The following BARD1 variants were observed in gnomAD, a reference collection of about 807,000 sequenced individuals.
BARD1 encodes the protein BRCA1 associated RING domain 1.
In BARD1, 73 loss-of-function variants were observed where a neutral mutation model predicts 77.0. The observed-to-expected ratio is 0.95, with a 90% confidence interval of 0.79 to 1.15. The LOEUF (loss-of-function observed/expected upper bound fraction) is 1.15, where lower values mean the gene tolerates loss of function less well. BARD1 is among the 50% of genes most tolerant of loss of function. The probability of loss-of-function intolerance (pLI) is 0.00; values close to 1 mark genes in which losing one functional copy is unlikely to be tolerated. For synonymous variants in BARD1, 384 were observed against 338.0 expected, an observed-to-expected ratio of 1.14 and a Z score of -1.49; for missense variants, 993 against 938.8, an observed-to-expected ratio of 1.06 and a Z score of -0.75.
At chr2:214,793,781 G>A (rs538602642) in intron 2 of BARD1, among the ~76,000 whole-genome samples, 6 of 151,718 alleles carry the variant, frequency 4.0e-5, no homozygotes, top group South Asian at 2.1e-4. Flanking sequence ...GTCATTTTTC[G>A]GTGGACCTGT....
intron 1 of BARD1, among the ~76,000 whole-genome samples, chr2:214,803,439 T>C (rs1032161434): frequency 6.6e-6 from 1 of 152,212 alleles, no homozygotes; most frequent in Non-Finnish European, 1.5e-5. Flanking sequence ...GTAGGTTCCA[T>C]CTACTGAGAT....
At chr2:214,763,116 C>T (rs551788630) in intron 6 of BARD1, among the ~76,000 whole-genome samples, 1 of 152,262 alleles carries the variant, frequency 6.6e-6, no homozygotes, top group South Asian at 2.1e-4. Context: ...ACGGAAGTTC[C>T]TAGAATGAAT....
chr2:214,764,648 C>T (rs1694112745), intron 6 of BARD1, among the ~76,000 whole-genome samples: 2 of 152,106 alleles, frequency 1.3e-5, no homozygotes, highest in South Asian at 2.1e-4. Context: ...GGGATTTAAC[C>T]TTTATTTTAA....
intron 7 of BARD1, among the ~76,000 whole-genome samples, chr2:214,750,350 A>G (rs1447587124): frequency 6.6e-6 from 1 of 152,026 alleles, no homozygotes; most frequent in African/African-American, 2.4e-5. Flanking sequence ...TTAAGTCTAA[A>G]CTCGTATCAG....
intron 9 of BARD1, among the ~76,000 whole-genome samples, chr2:214,732,449 G>A (rs189106255): frequency 3.7e-4 from 56 of 150,630 alleles, no homozygotes; most frequent in Admixed American, 3.1e-3. Context: ...AGGTTGGGGC[G>A]CAGTGGCGCA....
At chr2:214,804,339 CT>C (rs1696168747) in intron 1 of BARD1, among the ~76,000 whole-genome samples, 1 of 152,202 alleles carries the variant, frequency 6.6e-6, no homozygotes, top group African/African-American at 2.4e-5. Context: ...AACCTAAGTT[CT>C]TTCATACATC....
intron 3 of BARD1, among the ~76,000 whole-genome samples, chr2:214,785,809 T>G (rs928055854): frequency 2.7e-4 from 41 of 151,820 alleles, no homozygotes; most frequent in Non-Finnish European, 5.9e-5. Context: ...AAAACAGTAA[T>G]TAACAAATGA....
At chr2:214,796,859 T>A in intron 2 of BARD1, 1 of 579,368 alleles carries the variant, frequency 1.7e-6, no homozygotes. Flanking sequence ...CTTGGACAAG[T>A]CATCCTCTTT....
intron 1 of BARD1, among the ~76,000 whole-genome samples, chr2:214,808,026 G>T (rs1322444430): frequency 6.6e-6 from 1 of 152,226 alleles, no homozygotes; most frequent in African/African-American, 2.4e-5. Context: ...TTTCTAAGAA[G>T]TGCAATGTCA....
intron 4 of BARD1, among the ~76,000 whole-genome samples, chr2:214,774,590 C>G (rs1694657627): frequency 1.3e-5 from 2 of 152,186 alleles, no homozygotes; most frequent in Non-Finnish European, 2.9e-5. Context: ...TGTGCTCCCA[C>G]CCAGGCTTTG....
chr2:214,762,217 C>T (rs1693997543), intron 6 of BARD1, among the ~76,000 whole-genome samples: 1 of 152,158 alleles, frequency 6.6e-6, no homozygotes, highest in Non-Finnish European at 1.5e-5. Flanking sequence ...AAATTACCTT[C>T]AGGCTATGTG....
intron 7 of BARD1, among the ~76,000 whole-genome samples, chr2:214,748,502 C>G (rs371019552): frequency 4.0e-5 from 6 of 151,708 alleles, no homozygotes; most frequent in Admixed American, 1.3e-4. Context: ...TTAAGTTCAT[C>G]AAAAATGGGG....
chr2:214,741,493 G>A lies in BARD1; in HGVS notation c.1903+3574C>T, dbSNP rs1326467337. ...ATCTTATTCATACTCTATGAGATTCGTAAGATGACTTATTTATATACCTTC... is the reference window on the plus strand; with the variant it reads ...ATCTTATTCATACTCTATGAGATTCATAAGATGACTTATTTATATACCTTC... On this transcript the variant is annotated intron_variant, in intron 9 of 10. Transcript: ENST00000260947. 2.6e-5 allele frequency among the ~76,000 whole-genome samples: 4 copies of A among 152,096 alleles called. No individual in the cohort carries two copies. The South Asian group carries it at 6.2e-4, about 24-fold the overall frequency.
chr2:214,778,884 T>A (rs1180448127), intron 4 of BARD1, among the ~76,000 whole-genome samples: 2 of 152,186 alleles, frequency 1.3e-5, no homozygotes, highest in Non-Finnish European at 2.9e-5. Flanking sequence ...TATAAGTAAA[T>A]GCTTGCCTGA....
At chr2:214,753,139 A>C (rs1390643514) in intron 6 of BARD1, among the ~76,000 whole-genome samples, 2 of 152,196 alleles carry the variant, frequency 1.3e-5, no homozygotes, top group Non-Finnish European at 2.9e-5. Flanking sequence ...CTAATTCACA[A>C]GTCACAGAAT....
At chr2:214,729,098 T>C in intron 10 of BARD1, 90 bp from the exon 11 acceptor site, 1 of 1,379,062 alleles carries the variant, frequency 7.3e-7, no homozygotes, top group Non-Finnish European at 1.0e-6. Context: ...AAAATACAAG[T>C]TGAATATCCC....
At chr2:214,738,258 T>C (rs955831388) in intron 9 of BARD1, among the ~76,000 whole-genome samples, 2 of 152,220 alleles carry the variant, frequency 1.3e-5, no homozygotes, top group African/African-American at 4.8e-5. Flanking sequence ...GGTGTATTCC[T>C]GATCATGTTC....
chr2:214,769,784 CTGAGA>C (rs1369609751), intron 4 of BARD1, among the ~76,000 whole-genome samples: 2 of 152,112 alleles, frequency 1.3e-5, no homozygotes, highest in African/African-American at 4.8e-5. Context: ...ATAAATTATT[CTGAGA>C]TATCAAGAAG....
At position 214,780,550 on chromosome 2, in the gene BARD1, A is replaced by G. The variant is rs1559423162; in HGVS notation, c.1314+10T>C. On this transcript the variant is annotated intron_variant, in intron 4 of 10. Coordinates refer to ENST00000260947, the MANE Select transcript of BARD1 (RefSeq NM_000465.4). ...CATTCTGAGATGGTATTTCAGAGTA[A>G]GCATCCTACCTTAATAGAAGCAATA... The G allele has an allele frequency of 6.2e-7, 1 of 1,610,640 alleles. No homozygotes were observed. Among genetic ancestry groups the G allele is most frequent in the Non-Finnish European group, 8.5e-7 (1 of 1,177,028 alleles).
Sources: gnomAD v4.1 joint callset for allele counts (sites outside exome capture counted in the v4.1 genomes callset) on GRCh38, gnomAD v4.1.1 for gene constraint, MANE v1.5 for transcripts, NCBI Gene and HGNC (gene_info 2026-07-23, HGNC 2026-07-21) for gene names.